The following AHI1 variants were observed in gnomAD, a reference collection of about 807,000 sequenced individuals.
The protein encoded by AHI1 is jouberin.
In AHI1, 123 loss-of-function variants were observed where a neutral mutation model predicts 149.3. The ratio of observed to expected loss-of-function variants is 0.82; its 90% CI spans 0.71 to 0.96. The LOEUF is 0.96. Among genes scored for constraint, AHI1 ranks in the 40% least tolerant of loss-of-function variants. The pLI is 0.00. For missense variants in AHI1, 1,439 were observed against 1,422.7 expected (o/e 1.01, Z -0.18); for synonymous variants, 475 against 459.8 (o/e 1.03, Z -0.42).
chr6:135,467,104 A>G (rs1233511247), intron 6 of AHI1, among the ~76,000 whole-genome samples: 1 of 152,204 alleles, frequency 6.6e-6, no homozygotes, highest in Admixed American at 6.5e-5. Context: ...ACTTTCACCC[A>G]TGGGATTAAG....
chr6:135,410,811 C>A (rs946219849), intron 21 of AHI1, among the ~76,000 whole-genome samples: 2 of 152,162 alleles, frequency 1.3e-5, no homozygotes, highest in African/African-American at 4.8e-5. Context: ...TATAGCAAAG[C>A]ATTTTAAGAT....
intron 24 of AHI1, among the ~76,000 whole-genome samples, chr6:135,340,654 C>CATAT (rs1290327693): frequency 0.044 from 2,532 of 58,030 alleles, 139 homozygotes; most frequent in Non-Finnish European, 0.066. Flanking sequence ...TATATACATA[C>CATAT]ATACATATAT....
Position 135,284,608 on chromosome 6 carries a change from A to G in AHI1, c.*1037T>C, listed in dbSNP as rs1781506355. On this transcript the variant is annotated 3_prime_UTR_variant, in exon 29 of 29. Coordinates refer to ENST00000265602, the MANE Select transcript of AHI1 (RefSeq NM_001134831.2). ...GAAAAAATAAATAATGCAATATAAT[A>G]ATGTAAAAATATTAAGATTAAAATA... The G allele has an allele frequency of 6.6e-6, 1 of 152,170 alleles. No individual in the cohort carries two copies. Among genetic ancestry groups the G allele is most frequent in the South Asian group, 2.1e-4 (1 of 4,834 alleles). The allele number at this position is 152,170 out of a possible 1,614,324, so 9.4% of individuals were successfully genotyped here. A position where few individuals can be genotyped will look rare whatever the true frequency, so the allele number is the denominator to read the frequency against.
chr6:135,356,829 T>G (rs150864212), intron 24 of AHI1, among the ~76,000 whole-genome samples: 1 of 152,188 alleles, frequency 6.6e-6, no homozygotes, highest in African/African-American at 2.4e-5. Context: ...CATATTAAGT[T>G]ATCAAACATG....
rs556171566 is a variant in AHI1 at position 135,305,975 on chromosome 6, C to A, written c.3427-5417G>T. Among the ~76,000 whole-genome samples, 19 of 152,330 alleles carry A rather than the reference C, an allele frequency of 1.2e-4. No individual in the cohort carries two copies. The East Asian group carries it at 3.5e-3, about 28-fold the overall frequency. On this transcript the variant is annotated intron_variant, in intron 26 of 28. Transcript: ENST00000265602. ...AAAACCTAATTCATCCACTTCTCAC[C>A]ACATGGTCTCATAGTTTCCCTTCAC...
intron 23 of AHI1, among the ~76,000 whole-genome samples, chr6:135,371,480 G>A (rs2614285): frequency 0.51 from 77,464 of 151,948 alleles, 20,348 homozygotes; most frequent in Middle Eastern, 0.64. Flanking sequence ...GTACGGCTGA[G>A]TGCCTTTGTT....
intron 17 of AHI1, 43 bp from the exon 18 acceptor site, chr6:135,430,043 A>C: frequency 8.9e-7 from 1 of 1,118,738 alleles, no homozygotes; most frequent in Middle Eastern, 2.6e-4. Flanking sequence ...AAGTTTGTCT[A>C]ATGTTAAACT....
chr6:135,449,667 G>A (rs1787793579), intron 11 of AHI1, among the ~76,000 whole-genome samples: 1 of 152,040 alleles, frequency 6.6e-6, no homozygotes, highest in Non-Finnish European at 1.5e-5. Context: ...GTTACTTGTA[G>A]ACTTATGTAA....
intron 20 of AHI1, among the ~76,000 whole-genome samples, chr6:135,422,469 GCA>G (rs2127996855): frequency 6.6e-6 from 1 of 151,600 alleles, no homozygotes; most frequent in Admixed American, 6.6e-5. Flanking sequence ...TTGTGCTACT[GCA>G]CTCCAGCTTG....
intron 12 of AHI1, among the ~76,000 whole-genome samples, chr6:135,447,942 A>G (rs888755603): frequency 4.6e-5 from 7 of 152,230 alleles, no homozygotes; most frequent in African/African-American, 1.7e-4. Context: ...TTTTCACACT[A>G]TAAAGGCAAA....
At chr6:135,334,068 A>G (rs1475546890) in intron 24 of AHI1, among the ~76,000 whole-genome samples, 1 of 152,178 alleles carries the variant, frequency 6.6e-6, no homozygotes, top group Admixed American at 6.5e-5. Context: ...TGAATTCACC[A>G]TTTGGAAATA....
At chr6:135,327,586 GGTGGGTAT>G (rs1451060844) in intron 24 of AHI1, among the ~76,000 whole-genome samples, 2 of 152,038 alleles carry the variant, frequency 1.3e-5, no homozygotes, top group African/African-American at 4.8e-5. Flanking sequence ...TTGGTTTAAT[GGTGGGTAT>G]GTTAGGCCTT....
chr6:135,290,608 G>C (rs377324543), intron 27 of AHI1, 83 bp from the exon 28 acceptor site: 3 of 1,435,360 alleles, frequency 2.1e-6, no homozygotes, highest in Non-Finnish European at 2.9e-6. Flanking sequence ...ATCTAGGGCC[G>C]TGGCAGTGGA....
intron 23 of AHI1, among the ~76,000 whole-genome samples, chr6:135,392,170 T>A (rs367699708): frequency 1.2e-4 from 19 of 152,320 alleles, no homozygotes; most frequent in African/African-American, 4.6e-4. Context: ...CTAGCCAGAC[T>A]AGAGGTTCCT....
chr6:135,422,629 A>ATGTG (rs1178902512), intron 20 of AHI1, among the ~76,000 whole-genome samples: 4 of 150,664 alleles, frequency 2.7e-5, no homozygotes, highest in Non-Finnish European at 4.4e-5. Flanking sequence ...TTATGTATGT[A>ATGTG]TGTATGTATG....
At chr6:135,363,682 C>T (rs1215686230) in intron 23 of AHI1, among the ~76,000 whole-genome samples, 7 of 141,642 alleles carry the variant, frequency 4.9e-5, no homozygotes, top group Non-Finnish European at 9.3e-5. Flanking sequence ...GGGGGGCTGA[C>T]CCCCCCACCT....
At position 135,283,654 on chromosome 6, in the gene AHI1, C is replaced by T. The variant is rs1006871827; in HGVS notation, c.*1991G>A. On this transcript the variant is annotated 3_prime_UTR_variant, in exon 29 of 29. Transcript: ENST00000265602. Reference sequence around the variant, plus strand: ...ACTGTCATGATCTCCCCCACCCCATCTCATCTCAGATTGTGTGGTAAAGAA... The same window carrying T: ...ACTGTCATGATCTCCCCCACCCCATTTCATCTCAGATTGTGTGGTAAAGAA... 1.3e-5 allele frequency: 2 copies of T among 152,164 alleles called. No homozygotes were observed. Among genetic ancestry groups the T allele is most frequent in the African/African-American group, 4.8e-5 (2 of 41,434 alleles). 9.4% of individuals were successfully genotyped at this position (152,164 alleles called of 1,614,324 possible).
intron 14 of AHI1, among the ~76,000 whole-genome samples, chr6:135,441,119 A>G (rs1045078090): frequency 6.6e-6 from 1 of 152,084 alleles, no homozygotes; most frequent in Non-Finnish European, 1.5e-5. Flanking sequence ...AAAAGAGAGT[A>G]TCAATAAAGA....
chr6:135,417,400 T>C (rs971570560), intron 20 of AHI1, among the ~76,000 whole-genome samples: 3 of 152,016 alleles, frequency 2.0e-5, no homozygotes, highest in African/African-American at 7.2e-5. Flanking sequence ...GTTAGTAAGA[T>C]TTCAGTATTT....
Sources: allele counts gnomAD v4.1 joint callset (sites outside exome capture counted in the v4.1 genomes callset), GRCh38; gene constraint gnomAD v4.1.1; transcripts MANE v1.5; gene names NCBI Gene and HGNC (gene_info 2026-07-23, HGNC 2026-07-21).